The following DST variants were observed in gnomAD, a reference collection of about 807,000 sequenced individuals.
DST encodes the protein bullous pemphigoid antigen.
Under a neutral mutation model 875.2 loss-of-function variants are expected in DST, and 253 were observed. That is an observed-to-expected ratio of 0.29 (90% CI 0.26 to 0.32). The LOEUF is 0.32. Among genes scored for constraint, DST ranks in the 10% least tolerant of loss-of-function variants. The probability of loss-of-function intolerance (pLI) is 1.00; values close to 1 mark genes in which losing one functional copy is unlikely to be tolerated. For synonymous variants in DST, 3,124 were observed against 3,197.1 expected, an observed-to-expected ratio of 0.98 and a Z score of 0.77; for missense variants, 8,287 against 9,111.6, an observed-to-expected ratio of 0.91 and a Z score of 3.68.
intron 15 of DST, chr6:56,642,753 A>G: frequency 6.2e-7 from 1 of 1,614,086 alleles, no homozygotes; most frequent in Non-Finnish European, 8.5e-7. Flanking sequence ...TAAACACAGA[A>G]TCACTGCTAC....
Position 56,624,520 on chromosome 6 carries a change from T to C in DST, c.4929+10A>G, listed in dbSNP as rs1443775350. ...TTTATATTTACAGGGTGCTCACTGTTAATGATTACCTCCTCCTCTTCCAGC... is the reference window on the plus strand; with the variant it reads ...TTTATATTTACAGGGTGCTCACTGTCAATGATTACCTCCTCCTCTTCCAGC... On this transcript the variant is annotated intron_variant, in intron 36 of 103. Transcript: ENST00000680361. 1.3e-6 allele frequency: 2 copies of C among 1,584,922 alleles called. No individual in the cohort carries two copies. Among genetic ancestry groups the C allele is most frequent in the South Asian group, 1.1e-5 (1 of 90,484 alleles).
chr6:56,756,479 A>C (rs2099603763), intron 4 of DST, among the ~76,000 whole-genome samples: 1 of 152,146 alleles, frequency 6.6e-6, no homozygotes, highest in Non-Finnish European at 1.5e-5. Context: ...GTGGCCCACA[A>C]GGTGCCAGGC....
At chr6:56,537,632 C>A (rs2097034436) in intron 61 of DST, among the ~76,000 whole-genome samples, 2 of 152,214 alleles carry the variant, frequency 1.3e-5, no homozygotes, top group East Asian at 1.9e-4. Flanking sequence ...TGATCACATA[C>A]CTTACCAGCA....
chr6:56,731,592 A>G (rs2099498637), intron 5 of DST, among the ~76,000 whole-genome samples: 1 of 152,224 alleles, frequency 6.6e-6, no homozygotes, highest in South Asian at 2.1e-4. Flanking sequence ...CAGTGAAACC[A>G]TCAATAAGAG....
At chr6:56,927,043 A>G (rs1807568265) in intron 2 of DST, among the ~76,000 whole-genome samples, 1 of 152,242 alleles carries the variant, frequency 6.6e-6, no homozygotes, top group Admixed American at 6.5e-5. Context: ...AGAATTAATT[A>G]GATGCATATG....
At chr6:56,627,733 T>A (rs920576088) in intron 33 of DST, among the ~76,000 whole-genome samples, 1 of 152,204 alleles carries the variant, frequency 6.6e-6, no homozygotes, top group South Asian at 2.1e-4. Flanking sequence ...TCTATACCTA[T>A]GATTAAATAA....
chr6:56,508,381 A>T, intron 75 of DST, 148 bp downstream of exon 75: 2 of 665,730 alleles, frequency 3.0e-6, no homozygotes, highest in Non-Finnish European at 5.2e-6. Context: ...TTGTGGGTAT[A>T]CTCTATCTCC....
intron 45 of DST, among the ~76,000 whole-genome samples, 153 bp downstream of exon 45, chr6:56,599,916 A>G (rs1238899728): frequency 6.6e-6 from 1 of 152,136 alleles, no homozygotes; most frequent in African/African-American, 2.4e-5. Flanking sequence ...CTTTTAGTAT[A>G]AAGTTTAAAG....
In DST at chr6:56,482,747, C is replaced by T. The variant is rs747281179; in HGVS notation, c.21338G>A (p.Arg7113His). 5.0e-6 allele frequency: 8 copies of T among 1,613,778 alleles called. No homozygotes were observed. In the Admixed American group the frequency reaches 5.0e-5, roughly 10 times the overall value. The change falls in exon 89 of 104, where the codon CGC (arginine) becomes CAC (histidine). Residue 7113 changes from arginine to histidine, a missense_variant. Arg to His is a conservative substitution (Grantham distance 29). Transcript: ENST00000680361. ...AGAAAGTGCACACACGGTCTCCCAG[C>T]GTGTGCTTAATTCCTGCATCTGGAC... ...VKVQMQELST[R>H]WETVCALSIS... is the part of the protein sequence containing the mutation.
chr6:56,467,449 A>C (rs994254988), intron 98 of DST: 3 of 152,150 alleles, frequency 2.0e-5, no homozygotes, highest in African/African-American at 7.2e-5. Flanking sequence ...ACTATTTCTA[A>C]ATCTTTTTTC....
In DST at chr6:56,606,386, C is replaced by T. The variant is rs2152710773; in HGVS notation, c.8242G>A (p.Gly2748Arg). 1 of 1,613,324 alleles carries T rather than the reference C, an allele frequency of 6.2e-7. No individual in the cohort carries two copies. Among genetic ancestry groups the T allele is most frequent in the Non-Finnish European group, 8.5e-7 (1 of 1,179,574 alleles). ...SDSLTDYDIV[G>R]GKESFTASLK... Reference sequence around the variant, plus strand: ...GATGCAGTGAAGCTCTCTTTTCCTCCTACAATATCATAATCAGTCAATGAG... The same window carrying T: ...GATGCAGTGAAGCTCTCTTTTCCTCTTACAATATCATAATCAGTCAATGAG... Residue 2748 changes from glycine (G) to arginine (R), a missense_variant, in exon 40 of 104, where the codon GGA becomes AGA. Physicochemically the swap from Gly to Arg is moderately radical, Grantham distance 125. Around this residue, in one of 10 missense-constraint regions of DST, gnomAD observed 3,138 missense variants for 3,116.6 expected, o/e 1.01. Coordinates refer to ENST00000680361, the MANE Select transcript of DST (RefSeq NM_001374736.1).
In DST at chr6:56,573,698, T is replaced by C; in HGVS notation, c.13217A>G (p.Asp4406Gly). 2.5e-6 allele frequency: 4 copies of C among 1,613,154 alleles called. No homozygotes were observed. The South Asian group carries it at 4.4e-5, about 18-fold the overall frequency. ...ACTTACAATGTTTTTACTGATAATA[T>C]CCTGAAGAGCAGTAGAGTTTAAAGG... ...QVPLNSTALQ[D>G]IISKNIMLEQ... Residue 4406 changes from aspartate (D) to glycine (G), a missense_variant, in exon 51 of 104, where the codon GAT becomes GGT. Physicochemically the swap from Asp to Gly is moderately conservative, Grantham distance 94 (BLOSUM62 -1). This residue lies in a region of DST where 1,513 missense variants were observed against 1,677.8 expected (regional missense o/e 0.90). Transcript: ENST00000680361.
At chr6:56,692,867 T>A (rs903360470) in intron 9 of DST, 1 of 1,289,834 alleles carries the variant, frequency 7.8e-7, no homozygotes. Flanking sequence ...TTTTGCTGAA[T>A]ACCATCTCCC....
intron 50 of DST, among the ~76,000 whole-genome samples, chr6:56,575,882 T>C (rs534481530): frequency 6.6e-6 from 1 of 152,210 alleles, no homozygotes; most frequent in Admixed American, 6.5e-5. Flanking sequence ...TTGGAATTCC[T>C]TCATGAGGGG....
chr6:56,844,702 G>A (rs889531345), intron 4 of DST, among the ~76,000 whole-genome samples: 2 of 151,960 alleles, frequency 1.3e-5, no homozygotes, highest in Non-Finnish European at 2.9e-5. Context: ...GTGAAATCCC[G>A]TCTCTACTAA....
intron 26 of DST, 62 bp downstream of exon 26, chr6:56,634,400 T>C: frequency 6.2e-7 from 1 of 1,609,282 alleles, no homozygotes; most frequent in Non-Finnish European, 8.5e-7. Context: ...GTATTGATTG[T>C]TCCTTCAACC....
intron 4 of DST, chr6:56,742,299 T>G: frequency 7.8e-7 from 1 of 1,289,786 alleles, no homozygotes; most frequent in South Asian, 1.2e-5. Context: ...CCACCAGCTT[T>G]GCGTTCCAAT....
intron 69 of DST, among the ~76,000 whole-genome samples, chr6:56,521,495 C>T (rs1283247305): frequency 8.0e-6 from 1 of 124,920 alleles, no homozygotes; most frequent in East Asian, 2.4e-4. Flanking sequence ...AAAAAAAAAA[C>T]TTTCCAGCAA....
intron 4 of DST, among the ~76,000 whole-genome samples, chr6:56,751,883 A>T (rs774581598): frequency 1.3e-5 from 2 of 152,132 alleles, no homozygotes; most frequent in Non-Finnish European, 2.9e-5. Flanking sequence ...TAGAATTTTA[A>T]ACTTCAGGCA....
Sources: gnomAD v4.1 joint callset for allele counts (sites outside exome capture counted in the v4.1 genomes callset) on GRCh38, gnomAD v4.1.1 for gene constraint, gnomAD v4.1.1 regional missense constraint, MANE v1.5 for transcripts, NCBI Gene and HGNC (gene_info 2026-07-23, HGNC 2026-07-21) for gene names.